The following OSTN variants were observed in gnomAD, a reference collection of about 807,000 sequenced individuals.
The protein encoded by OSTN is osteocrin.
In OSTN, 9 loss-of-function variants were observed where a neutral mutation model predicts 12.0. The observed-to-expected ratio is 0.75, with a 90% CI of 0.45 to 1.30. The LOEUF is 1.30. Ranked by LOEUF, OSTN falls within the 50% of genes most tolerant of loss-of-function variation. The pLI, the probability that OSTN is intolerant of heterozygous loss-of-function variation, is 0.00. For missense variants in OSTN, 148 were observed against 152.3 expected (o/e 0.97, Z 0.15); for synonymous variants, 59 against 56.9 (o/e 1.04, Z -0.16).
rs143030467 is a variant in OSTN, at chr3:191,230,856, A to C, written c.317+11895A>C. ...AGTAAAATAATTGATGACCCTAGGAAATTAAAAATGAACTATTTCTTTTCC... is the reference window on the plus strand; with the variant it reads ...AGTAAAATAATTGATGACCCTAGGACATTAAAAATGAACTATTTCTTTTCC... On this transcript the variant is annotated intron_variant, in intron 3 of 4. Coordinates refer to ENST00000682035, the MANE Select transcript of OSTN (RefSeq NM_198184.2). 6.5e-4 allele frequency among the ~76,000 whole-genome samples: 99 copies of C among 152,312 alleles called. No homozygotes were observed. The East Asian group carries it at 0.018, about 28-fold the overall frequency.
intron 3 of OSTN, among the ~76,000 whole-genome samples, chr3:191,236,132 T>C (rs926378872): frequency 6.6e-6 from 1 of 152,206 alleles, no homozygotes; most frequent in African/African-American, 2.4e-5. Flanking sequence ...CAACCTCCTT[T>C]GGAAGTACTA....
chr3:191,213,367 ATCT>A lies in OSTN; in HGVS notation c.102+737_102+739del, dbSNP rs551131152. 3.3e-5 allele frequency: 5 copies of A among 152,204 alleles called. No homozygotes were observed. In the South Asian group the frequency reaches 1.0e-3, roughly 31 times the overall value. The allele number at this position is 152,204 out of a possible 1,614,324, so 9.4% of individuals were successfully genotyped here. A position where few individuals can be genotyped will look rare whatever the true frequency, so the allele number is the denominator to read the frequency against. On this transcript the variant is annotated intron_variant, in intron 2 of 4. Transcript: ENST00000682035. ...TGAAATGAAAAGAGCAGTAATCACG[ATCT>A]TCTCCTCACAGAGGAGTCGGAGCAA...
chr3:191,232,176 C>T (rs953508637), intron 3 of OSTN, among the ~76,000 whole-genome samples: 1 of 151,026 alleles, frequency 6.6e-6, no homozygotes, highest in Admixed American at 6.6e-5. Flanking sequence ...ACTGAAAATA[C>T]AAAAATCAGC....
intron 4 of OSTN, among the ~76,000 whole-genome samples, chr3:191,256,507 C>T (rs997122156): frequency 3.3e-5 from 5 of 151,728 alleles, no homozygotes; most frequent in African/African-American, 1.2e-4. Context: ...TTCATTTAGC[C>T]AAAATAATAA....
At chr3:191,227,825 G>A (rs1268873081) in intron 3 of OSTN, among the ~76,000 whole-genome samples, 1 of 152,114 alleles carries the variant, frequency 6.6e-6, no homozygotes, top group Non-Finnish European at 1.5e-5. Flanking sequence ...AGTGCATACT[G>A]ATATTCAGGA....
chr3:191,237,675 C>T (rs191163237), intron 3 of OSTN, among the ~76,000 whole-genome samples: 1 of 152,344 alleles, frequency 6.6e-6, no homozygotes, highest in Admixed American at 6.5e-5. Flanking sequence ...TGAGCAAACT[C>T]ACCCAACACC....
intron 3 of OSTN, among the ~76,000 whole-genome samples, chr3:191,223,199 A>G (rs976327238): frequency 3.9e-5 from 6 of 152,170 alleles, no homozygotes; most frequent in African/African-American, 1.4e-4. Context: ...GCTTGCAAGA[A>G]AAAAGGGGAA....
At chr3:191,214,468 A>C (rs13077109) in intron 2 of OSTN, among the ~76,000 whole-genome samples, 8 of 151,150 alleles carry the variant, frequency 5.3e-5, no homozygotes, top group Non-Finnish European at 1.2e-4. Context: ...AAAAACAGCA[A>C]CAAAAAACCA....
intron 3 of OSTN, among the ~76,000 whole-genome samples, chr3:191,230,613 G>C (rs1159485892): frequency 6.8e-6 from 1 of 146,920 alleles, no homozygotes; most frequent in African/African-American, 2.5e-5. Context: ...GGGCTAAGTA[G>C]CATGAGAACT....
intron 3 of OSTN, among the ~76,000 whole-genome samples, chr3:191,232,368 T>C (rs1715081149): frequency 7.2e-6 from 1 of 138,558 alleles, no homozygotes; most frequent in Non-Finnish European, 1.5e-5. Flanking sequence ...AAAATTGTTG[T>C]AACTAGTGCA....
chr3:191,246,216 A>G (rs1715428035), intron 3 of OSTN, among the ~76,000 whole-genome samples: 1 of 152,078 alleles, frequency 6.6e-6, no homozygotes, highest in South Asian at 2.1e-4. Context: ...GAGTCCTTCA[A>G]ACATCTGAGA....
At chr3:191,224,394 AG>A (rs1240001219) in intron 3 of OSTN, among the ~76,000 whole-genome samples, 6 of 151,662 alleles carry the variant, frequency 4.0e-5, no homozygotes, top group Non-Finnish European at 5.9e-5. Context: ...AAAAAAAAAA[AG>A]AAACATATTA....
chr3:191,216,921 C>A (rs1714627216), intron 2 of OSTN: 1 of 152,440 alleles, frequency 6.6e-6, no homozygotes, highest in Non-Finnish European at 1.5e-5. Context: ...TTTCCCATTT[C>A]CAAAGTTGCT....
rs964953670 is a variant in OSTN, at chr3:191,265,378, T to C, written c.*2525T>C. 6.6e-6 allele frequency: 1 copy of C among 152,240 alleles called. No homozygotes were observed. The highest frequency in any genetic ancestry group is 6.5e-5 in the Admixed American group (1 of 15,286). 9.4% of individuals were successfully genotyped at this position (152,240 alleles called of 1,614,324 possible). On this transcript the variant is annotated 3_prime_UTR_variant, in exon 5 of 5. Coordinates refer to ENST00000682035, the MANE Select transcript of OSTN (RefSeq NM_198184.2). ...ATAAAAGGATGTTAGTTACTGGCTA[T>C]GTTGTCCTAAAATTTACACACACTA...
At chr3:191,253,929 A>G (rs1715617347) in intron 4 of OSTN, among the ~76,000 whole-genome samples, 1 of 152,246 alleles carries the variant, frequency 6.6e-6, no homozygotes, top group South Asian at 2.1e-4. Flanking sequence ...CGTTTCACAT[A>G]TTAAAAGCCA....
chr3:191,243,405 G>A (rs1222086045), intron 3 of OSTN, among the ~76,000 whole-genome samples: 1 of 152,030 alleles, frequency 6.6e-6, no homozygotes, highest in Non-Finnish European at 1.5e-5. Context: ...ACAGTAGGAT[G>A]GATAAACAAA....
At chr3:191,225,247 T>C (rs776014295) in intron 3 of OSTN, among the ~76,000 whole-genome samples, 1 of 152,134 alleles carries the variant, frequency 6.6e-6, no homozygotes, top group Non-Finnish European at 1.5e-5. Context: ...AAAATACAAC[T>C]TATAAACATT....
intron 3 of OSTN, among the ~76,000 whole-genome samples, chr3:191,232,414 A>T (rs1022321138): frequency 6.6e-6 from 1 of 150,724 alleles, no homozygotes; most frequent in Non-Finnish European, 1.5e-5. Flanking sequence ...TGATAATTAA[A>T]ATGTGCTTTG....
chr3:191,237,859 C>A (rs1005335457), intron 3 of OSTN, among the ~76,000 whole-genome samples: 2 of 152,190 alleles, frequency 1.3e-5, no homozygotes, highest in Non-Finnish European at 2.9e-5. Context: ...TGGGGGCCCT[C>A]TTCTGCCCCG....
Sources: allele counts gnomAD v4.1 joint callset (sites outside exome capture counted in the v4.1 genomes callset), GRCh38; gene constraint gnomAD v4.1.1; transcripts MANE v1.5; gene names NCBI Gene and HGNC (gene_info 2026-07-23, HGNC 2026-07-21).